The following VPS13B variants were observed in gnomAD, a reference collection of about 807,000 sequenced individuals.
The protein encoded by VPS13B is vacuolar protein sorting 13 homolog B.
VPS13B carries 285 observed loss-of-function variants against 426.4 expected under a neutral mutation model. The ratio of observed to expected loss-of-function variants is 0.67; its 90% confidence interval spans 0.61 to 0.74. VPS13B has a LOEUF of 0.74. Among genes scored for constraint, VPS13B ranks in the 30% least tolerant of loss-of-function variants. The probability of loss-of-function intolerance (pLI) is 0.00; values close to 1 mark genes in which losing one functional copy is unlikely to be tolerated. For missense variants in VPS13B, 4,537 were observed against 4,782.6 expected (o/e 0.95, Z 1.51); for synonymous variants, 1,676 against 1,676.4 (o/e 1.00, Z 0.01).
intron 34 of VPS13B, among the ~76,000 whole-genome samples, chr8:99,653,465 AT>A (rs34923754): frequency 0.2 from 27,413 of 136,706 alleles, 2,914 homozygotes; most frequent in East Asian, 0.45. Context: ...ATGTGACTTC[AT>A]TTTTTTTTTT....
rs550617531 is a variant in VPS13B at position 99,717,759 on chromosome 8, C to T, written c.6657+386C>T. 5.3e-5 allele frequency among the ~76,000 whole-genome samples: 8 copies of T among 152,288 alleles called. No homozygotes were observed. The South Asian group carries it at 1.0e-3, about 20-fold the overall frequency. On this transcript the variant is annotated intron_variant, in intron 37 of 61. Transcript: ENST00000357162. ...ATAGATTTACCTATTCTTAACATTT[C>T]GTATAAATAGAATCATGTAACCTGT...
chr8:99,702,486 C>T (rs924213262), intron 36 of VPS13B, among the ~76,000 whole-genome samples: 2 of 152,088 alleles, frequency 1.3e-5, no homozygotes, highest in Non-Finnish European at 2.9e-5. Context: ...CAGCCATCTG[C>T]TGTACAGATG....
intron 12 of VPS13B, among the ~76,000 whole-genome samples, chr8:99,138,211 C>T (rs1222342854): frequency 2.6e-5 from 4 of 152,294 alleles, no homozygotes; most frequent in Non-Finnish European, 4.4e-5. Context: ...ACTGCAACTT[C>T]TGCCTCCCTG....
intron 35 of VPS13B, among the ~76,000 whole-genome samples, chr8:99,673,250 T>C (rs1588611946): frequency 6.6e-6 from 1 of 152,090 alleles, no homozygotes; most frequent in Admixed American, 6.6e-5. Flanking sequence ...GGTGAAGTCA[T>C]TGGACCCTGG....
intron 3 of VPS13B, among the ~76,000 whole-genome samples, chr8:99,088,001 T>G (rs1380718791): frequency 6.6e-6 from 1 of 151,846 alleles, no homozygotes; most frequent in Non-Finnish European, 1.5e-5. Flanking sequence ...CTGGCCAATA[T>G]GGTGAAACCC....
At chr8:99,519,509 T>G (rs980695706) in intron 29 of VPS13B, among the ~76,000 whole-genome samples, 1 of 152,152 alleles carries the variant, frequency 6.6e-6, no homozygotes, top group Non-Finnish European at 1.5e-5. Flanking sequence ...ACATGTATGT[T>G]TGTTGCGGCA....
chr8:99,643,985 T>C (rs1829476718), intron 34 of VPS13B, among the ~76,000 whole-genome samples: 1 of 152,190 alleles, frequency 6.6e-6, no homozygotes, highest in Admixed American at 6.5e-5. Context: ...AAGTGCAGGA[T>C]TAGGAGATGA....
chr8:99,684,796 T>C (rs1197428331), intron 35 of VPS13B, among the ~76,000 whole-genome samples: 1 of 151,990 alleles, frequency 6.6e-6, no homozygotes, highest in Non-Finnish European at 1.5e-5. Flanking sequence ...GGTTTTTGGG[T>C]TTTTTGTTTG....
At chr8:99,864,847 G>A (rs904064644) in intron 58 of VPS13B, among the ~76,000 whole-genome samples, 1 of 152,122 alleles carries the variant, frequency 6.6e-6, no homozygotes, top group Non-Finnish European at 1.5e-5. Flanking sequence ...CCACCATGTC[G>A]CCTACCCCTG....
At chr8:99,651,171 G>A (rs901032497) in intron 34 of VPS13B, among the ~76,000 whole-genome samples, 2 of 151,874 alleles carry the variant, frequency 1.3e-5, no homozygotes, top group Non-Finnish European at 2.9e-5. Context: ...ATACTTCCCA[G>A]GATAAATAAG....
chr8:99,606,877 G>T (rs886408905), intron 33 of VPS13B, among the ~76,000 whole-genome samples: 2 of 152,058 alleles, frequency 1.3e-5, no homozygotes, highest in Non-Finnish European at 2.9e-5. Flanking sequence ...GGCAGGTCAG[G>T]TTCCTATATT....
At chr8:99,230,813 T>C (rs1209028295) in intron 17 of VPS13B, among the ~76,000 whole-genome samples, 1 of 152,226 alleles carries the variant, frequency 6.6e-6, no homozygotes, top group Non-Finnish European at 1.5e-5. Flanking sequence ...TTAGGGATAG[T>C]AGAAATGCAG....
intron 58 of VPS13B, chr8:99,867,958 CCT>C (rs770258268): frequency 1.0e-4 from 37 of 360,372 alleles, no homozygotes; most frequent in Non-Finnish European, 1.9e-4. Context: ...ACTGTTAGCT[CCT>C]CTCTCTCAAC....
chr8:99,336,192 C>T (rs1341812141), intron 19 of VPS13B, among the ~76,000 whole-genome samples: 2 of 151,890 alleles, frequency 1.3e-5, no homozygotes, highest in East Asian at 3.9e-4. Flanking sequence ...CAGAACAGAG[C>T]CCTCAGAAAT....
intron 30 of VPS13B, among the ~76,000 whole-genome samples, chr8:99,533,331 A>T (rs1482385436): frequency 6.6e-6 from 1 of 152,220 alleles, no homozygotes; most frequent in Non-Finnish European, 1.5e-5. Flanking sequence ...CTACCAAGTG[A>T]TCCAAATACA....
intron 34 of VPS13B, among the ~76,000 whole-genome samples, chr8:99,647,480 A>G (rs989071056): frequency 7.9e-5 from 12 of 151,742 alleles, no homozygotes; most frequent in African/African-American, 2.4e-4. Flanking sequence ...AGAATCACTT[A>G]AAAAGGAAGA....
intron 33 of VPS13B, among the ~76,000 whole-genome samples, chr8:99,614,719 T>C (rs767121412): frequency 8.0e-4 from 122 of 152,242 alleles, no homozygotes; most frequent in Non-Finnish European, 1.4e-3. Flanking sequence ...AACAGAACTT[T>C]ATGCTTTCAT....
intron 35 of VPS13B, chr8:99,697,469 G>A (rs1832078065): frequency 1.1e-5 from 8 of 731,302 alleles, no homozygotes; most frequent in South Asian, 6.0e-5. Context: ...CATCCTCAGC[G>A]ATGCCTGCTC....
rs1270214010 is a variant in VPS13B, at chr8:99,330,042, T to C, written c.2825-54166T>C. Among the ~76,000 whole-genome samples, 3 of 151,942 alleles carry C rather than the reference T, an allele frequency of 2.0e-5. No homozygotes were observed. In the East Asian group the frequency reaches 5.8e-4, roughly 29 times the overall value. ...TGTTTGAGAGTCACTGTTTAGAGTA[T>C]ATATTTTATTCTGTAATATATATTA... On this transcript the variant is annotated intron_variant, in intron 19 of 61. Coordinates refer to ENST00000357162, the MANE Select transcript of VPS13B (RefSeq NM_152564.5).
Sources: gnomAD v4.1 joint callset for allele counts (sites outside exome capture counted in the v4.1 genomes callset) on GRCh38, gnomAD v4.1.1 for gene constraint, MANE v1.5 for transcripts, NCBI Gene and HGNC (gene_info 2026-07-23, HGNC 2026-07-21) for gene names.